The following WBP1L variants were observed in gnomAD, a reference collection of about 807,000 sequenced individuals.
WBP1L encodes the protein WW domain binding protein 1-like.
WBP1L carries 17 observed loss-of-function variants against 33.7 expected under a neutral mutation model. That is an observed-to-expected ratio of 0.50 (90% CI 0.34 to 0.76). The LOEUF (loss-of-function observed/expected upper bound fraction) is 0.76, where lower values mean the gene tolerates loss of function less well. WBP1L is among the 30% of genes least tolerant of loss of function. The pLI is 0.01. For missense variants in WBP1L, 389 were observed against 469.4 expected (o/e 0.83, Z 1.58); for synonymous variants, 173 against 190.8 (o/e 0.91, Z 0.77).
At chr10:102,758,441 G>A (rs368134536) in intron 1 of WBP1L, among the ~76,000 whole-genome samples, 27 of 152,098 alleles carry the variant, frequency 1.8e-4, no homozygotes, top group African/African-American at 5.1e-4. Flanking sequence ...ATCTATTCTG[G>A]ACATTTCATA....
chr10:102,771,908 TAGA>T (rs1159579209), intron 1 of WBP1L, among the ~76,000 whole-genome samples: 1 of 151,958 alleles, frequency 6.6e-6, no homozygotes, highest in Non-Finnish European at 1.5e-5. Context: ...ACTGCCTCGG[TAGA>T]AGGATATCTC....
intron 1 of WBP1L, among the ~76,000 whole-genome samples, chr10:102,782,752 C>G (rs539918843): frequency 5.3e-5 from 8 of 152,138 alleles, no homozygotes; most frequent in Admixed American, 5.2e-4. Context: ...GTGATAAAAT[C>G]CTGTGAGGGG....
At chr10:102,775,765 G>A (rs764417037) in intron 1 of WBP1L, among the ~76,000 whole-genome samples, 3 of 152,132 alleles carry the variant, frequency 2.0e-5, no homozygotes, top group Non-Finnish European at 4.4e-5. Context: ...ACTGAGCACC[G>A]ACTCTGGCAG....
At chr10:102,790,818 C>A (rs777055912) in intron 1 of WBP1L, among the ~76,000 whole-genome samples, 8 of 152,080 alleles carry the variant, frequency 5.3e-5, no homozygotes, top group Non-Finnish European at 8.8e-5. Context: ...GCCAACAGAA[C>A]TTTATGTGTA....
intron 1 of WBP1L, among the ~76,000 whole-genome samples, chr10:102,796,453 C>A (rs1843574982): frequency 6.6e-6 from 1 of 152,170 alleles, no homozygotes; most frequent in Admixed American, 6.5e-5. Context: ...CAGCCTCTAG[C>A]CCTGTAGACA....
intron 1 of WBP1L, among the ~76,000 whole-genome samples, chr10:102,758,104 C>T (rs543964718): frequency 7.9e-5 from 11 of 140,022 alleles, no homozygotes; most frequent in Non-Finnish European, 1.7e-4. Context: ...AGACTGGTCT[C>T]GAACTCCTGA....
At chr10:102,776,418 G>A in intron 1 of WBP1L, 1 of 1,614,178 alleles carries the variant, frequency 6.2e-7, no homozygotes, top group East Asian at 2.2e-5. Context: ...TCTTAGACAG[G>A]TAATTGTTTC....
chr10:102,762,054 T>C (rs1843048512), intron 1 of WBP1L, among the ~76,000 whole-genome samples: 1 of 152,140 alleles, frequency 6.6e-6, no homozygotes, highest in South Asian at 2.1e-4. Flanking sequence ...AGTCTCCCTA[T>C]GTTGCTTACG....
intron 1 of WBP1L, among the ~76,000 whole-genome samples, chr10:102,782,464 A>G (rs1044066511): frequency 1.3e-5 from 2 of 151,498 alleles, no homozygotes; most frequent in Non-Finnish European, 2.9e-5. Flanking sequence ...GGAAAACAGA[A>G]TACTTTGGGG....
chr10:102,766,436 T>G (rs1843110202), intron 1 of WBP1L, among the ~76,000 whole-genome samples: 1 of 100,028 alleles, frequency 1.0e-5, no homozygotes, highest in Non-Finnish European at 1.9e-5. Flanking sequence ...AGCGAAACTC[T>G]GTCTCAAAAA....
intron 1 of WBP1L, chr10:102,744,371 G>T: frequency 1.0e-6 from 1 of 985,352 alleles, no homozygotes; most frequent in Non-Finnish European, 1.2e-6. Flanking sequence ...AGTGAGGGGC[G>T]TTTGAGACGG....
intron 1 of WBP1L, among the ~76,000 whole-genome samples, chr10:102,745,626 T>A (rs988337952): frequency 1.3e-5 from 2 of 152,236 alleles, no homozygotes; most frequent in African/African-American, 4.8e-5. Context: ...TCGTAGCATG[T>A]ACTAGTACTT....
intron 1 of WBP1L, among the ~76,000 whole-genome samples, chr10:102,775,764 C>T (rs150732573): frequency 8.5e-5 from 13 of 152,100 alleles, no homozygotes; most frequent in South Asian, 2.1e-4. Context: ...TACTGAGCAC[C>T]GACTCTGGCA....
intron 2 of WBP1L, among the ~76,000 whole-genome samples, chr10:102,805,555 G>A (rs1024801685): frequency 2.0e-5 from 3 of 151,868 alleles, no homozygotes; most frequent in Admixed American, 1.3e-4. Flanking sequence ...GAGCCACTGC[G>A]CCAAGCAGAT....
intron 1 of WBP1L, among the ~76,000 whole-genome samples, chr10:102,757,400 CTGTT>C (rs1320212458): frequency 6.6e-6 from 1 of 152,184 alleles, no homozygotes; most frequent in Non-Finnish European, 1.5e-5. Flanking sequence ...CGGATGGGCA[CTGTT>C]TGTCAAGTAT....
At chr10:102,786,593 G>C (rs1843418932) in intron 1 of WBP1L, among the ~76,000 whole-genome samples, 1 of 152,204 alleles carries the variant, frequency 6.6e-6, no homozygotes, top group Non-Finnish European at 1.5e-5. Context: ...GTCTAAGCAT[G>C]TTCATTGTTA....
intron 1 of WBP1L, among the ~76,000 whole-genome samples, chr10:102,754,654 A>C (rs907725599): frequency 6.6e-6 from 1 of 151,916 alleles, no homozygotes; most frequent in African/African-American, 2.4e-5. Flanking sequence ...CGACCTCCCA[A>C]AGTGCTGGGC....
intron 1 of WBP1L, among the ~76,000 whole-genome samples, chr10:102,780,764 C>A (rs976485079): frequency 1.3e-5 from 2 of 152,210 alleles, no homozygotes; most frequent in Non-Finnish European, 2.9e-5. Context: ...CTGCAGGTGG[C>A]CCTTCCCACA....
chr10:102,752,050 T>C (rs1842928982), intron 1 of WBP1L, among the ~76,000 whole-genome samples: 1 of 152,200 alleles, frequency 6.6e-6, no homozygotes, highest in African/African-American at 2.4e-5. Flanking sequence ...CTTTCTTTAT[T>C]CTGTTCTATG....
Sources: allele counts gnomAD v4.1 joint callset (sites outside exome capture counted in the v4.1 genomes callset), GRCh38; gene constraint gnomAD v4.1.1; transcripts MANE v1.5; gene names NCBI Gene and HGNC (gene_info 2026-07-23, HGNC 2026-07-21).